Variants in NDUFA9 observed in about 807,000 individuals in gnomAD.
The protein encoded by NDUFA9 is NADH:ubiquinone oxidoreductase subunit A9.
A neutral mutation model predicts 45.9 loss-of-function variants in NDUFA9; 23 were observed. The ratio of observed to expected loss-of-function variants is 0.50; its 90% CI spans 0.36 to 0.71. The LOEUF is 0.71. Among genes scored for constraint, NDUFA9 ranks in the 30% least tolerant of loss-of-function variants. The pLI, the probability that NDUFA9 is intolerant of heterozygous loss-of-function variation, is 0.00. For synonymous variants in NDUFA9, 176 were observed against 170.5 expected, an observed-to-expected ratio of 1.03 and a Z score of -0.25; for missense variants, 466 against 488.2, an observed-to-expected ratio of 0.95 and a Z score of 0.43.
chr12:4,660,463 G>C (rs1945816990), intron 5 of NDUFA9, among the ~76,000 whole-genome samples: 1 of 152,122 alleles, frequency 6.6e-6, no homozygotes, highest in Admixed American at 6.5e-5. Context: ...TCAGAAGAGA[G>C]GTCTGGGTTG....
intron 1 of NDUFA9, chr12:4,653,734 A>G: frequency 2.7e-6 from 1 of 365,030 alleles, no homozygotes; most frequent in Middle Eastern, 4.5e-4. Flanking sequence ...GTTCTGTACT[A>G]ATAATCATCT....
chr12:4,681,704 T>C (rs2137485418), intron 8 of NDUFA9, among the ~76,000 whole-genome samples: 1 of 151,596 alleles, frequency 6.6e-6, no homozygotes, highest in South Asian at 2.1e-4. Flanking sequence ...AATTTTAAAG[T>C]CTACATTGAC....
At chr12:4,680,007 A>G (rs1430377230) in intron 8 of NDUFA9, among the ~76,000 whole-genome samples, 1 of 152,230 alleles carries the variant, frequency 6.6e-6, no homozygotes, top group Non-Finnish European at 1.5e-5. Context: ...AACAAGGAAA[A>G]GAATTCAAGG....
intron 8 of NDUFA9, among the ~76,000 whole-genome samples, chr12:4,673,773 A>G (rs901928293): frequency 1.3e-5 from 2 of 152,222 alleles, no homozygotes; most frequent in African/African-American, 4.8e-5. Context: ...GAACTTCCCC[A>G]ACTAGCAAGG....
intron 4 of NDUFA9, among the ~76,000 whole-genome samples, chr12:4,658,385 A>G (rs911250184): frequency 6.6e-6 from 1 of 152,012 alleles, no homozygotes. Context: ...CAAATATTTT[A>G]TAAATTCTTT....
intron 9 of NDUFA9, among the ~76,000 whole-genome samples, chr12:4,683,180 C>CAAAAAA: frequency 7.2e-6 from 1 of 138,822 alleles, no homozygotes; most frequent in East Asian, 2.1e-4. Context: ...GTCTCTGGAA[C>CAAAAAA]AAAAAAAAAA....
intron 8 of NDUFA9, among the ~76,000 whole-genome samples, chr12:4,679,685 G>A (rs1211196289): frequency 6.6e-6 from 1 of 152,130 alleles, no homozygotes; most frequent in Non-Finnish European, 1.5e-5. Flanking sequence ...TTGAATGGCA[G>A]GATAGGAAGT....
chr12:4,691,903 C>T lies in NDUFA9; in HGVS notation c.*4795C>T, dbSNP rs1946020726. 1 of 152,020 alleles carries T rather than the reference C, an allele frequency of 6.6e-6. No individual in the cohort carries two copies. The highest frequency in any genetic ancestry group is 1.5e-5 in the Non-Finnish European group (1 of 68,026). The allele number at this position is 152,020 out of a possible 1,614,324, so 9.4% of individuals were successfully genotyped here. ...CTCATCCTTATGACAGGAAGTAGTC[C>T]TGCAGCTTGGAGCAAGGTGCCCACC... On this transcript the variant is annotated 3_prime_UTR_variant, in exon 11 of 11. Coordinates refer to ENST00000266544, the MANE Select transcript of NDUFA9 (RefSeq NM_005002.5).
intron 1 of NDUFA9, among the ~76,000 whole-genome samples, chr12:4,651,130 G>A (rs192267539): frequency 5.9e-5 from 9 of 152,138 alleles, no homozygotes; most frequent in South Asian, 2.1e-4. Context: ...TACATAGAAC[G>A]TGCATATAAT....
At chr12:4,675,147 T>C (rs1945911192) in intron 8 of NDUFA9, among the ~76,000 whole-genome samples, 1 of 152,176 alleles carries the variant, frequency 6.6e-6, no homozygotes, top group Admixed American at 6.5e-5. Context: ...TTCCAGAATC[T>C]CTGGAGCACA....
In NDUFA9 at chr12:4,688,480, G is replaced by GAAAAAAAA. The variant is rs541489554; in HGVS notation, c.*1382_*1389dup. On this transcript the variant is annotated 3_prime_UTR_variant, in exon 11 of 11. Transcript: ENST00000266544. ...AGCTTGGACTGAAGATCCTGTCTCA[G>GAAAAAAAA]AAAAAAAAAAAAAAAAAGGCAGAAT... 7.6e-6 allele frequency: 1 copy of GAAAAAAAA among 132,038 alleles called. No individual in the cohort carries two copies. Among genetic ancestry groups the GAAAAAAAA allele is most frequent in the Non-Finnish European group, 1.6e-5 (1 of 63,382 alleles). 8.2% of individuals were successfully genotyped at this position (132,038 alleles called of 1,614,324 possible). A position where few individuals can be genotyped will look rare whatever the true frequency, so the allele number is the denominator to read the frequency against.
intron 1 of NDUFA9, 75 bp from the exon 2 acceptor site, chr12:4,654,217 A>G: frequency 7.2e-7 from 1 of 1,389,782 alleles, no homozygotes; most frequent in Non-Finnish European, 9.9e-7. Context: ...TTTTTAGAGA[A>G]AGGAGCTATT....
intron 8 of NDUFA9, among the ~76,000 whole-genome samples, chr12:4,674,774 T>C (rs1236128320): frequency 6.6e-6 from 1 of 152,070 alleles, no homozygotes; most frequent in Non-Finnish European, 1.5e-5. Context: ...GACAGAAAAT[T>C]AACAAGGATA....
At position 4,654,911 on chromosome 12, in the gene NDUFA9, C is replaced by G; in HGVS notation, c.307C>G (p.Leu103Val). The G allele has an allele frequency of 6.2e-7, 1 of 1,612,928 alleles. No individual in the cohort carries two copies. The highest frequency in any genetic ancestry group is 8.5e-7 in the Non-Finnish European group (1 of 1,179,372). ...HLRPMGDLGQ[L>V]LFLEWDARDK... is the part of the protein sequence containing the mutation. ...TCGTCCCATGGGTGACCTGGGCCAG[C>G]TTCTGTTTCTGGTAAGGGCCTTTAT... The change falls in exon 3 of 11, where the codon CTT (leucine) becomes GTT (valine). Residue 103 changes from leucine (L) to valine (V), a missense_variant. Transcript: ENST00000266544.
At chr12:4,672,941 A>G (rs1165180791) in intron 8 of NDUFA9, among the ~76,000 whole-genome samples, 1 of 152,206 alleles carries the variant, frequency 6.6e-6, no homozygotes, top group Admixed American at 6.5e-5. Flanking sequence ...ACTGGGAGAT[A>G]CATCCCTGTA....
chr12:4,658,492 T>C (rs1005852802), intron 4 of NDUFA9, among the ~76,000 whole-genome samples: 1 of 152,218 alleles, frequency 6.6e-6, no homozygotes, highest in Non-Finnish European at 1.5e-5. Flanking sequence ...CCGAATGAAA[T>C]TGTTGACTGA....
At position 4,649,148 on chromosome 12, in the gene NDUFA9, C is replaced by G; in HGVS notation, c.22C>G (p.Arg8Gly). The G allele has an allele frequency of 6.2e-7, 1 of 1,604,822 alleles. No homozygotes were observed. The highest frequency in any genetic ancestry group is 8.5e-7 in the Non-Finnish European group (1 of 1,175,938). MAAAAQS[R>G]VVRVLSMSRS... ...AAAGATGGCGGCTGCCGCACAATCCCGGGTTGTCCGGGTCCTGTCAATGTC... is the reference window on the plus strand; with the variant it reads ...AAAGATGGCGGCTGCCGCACAATCCGGGGTTGTCCGGGTCCTGTCAATGTC... Residue 8 changes from arginine to glycine, a missense_variant, in exon 1 of 11, where the codon CGG becomes GGG. Arg to Gly is a moderately radical substitution (Grantham distance 125). Transcript: ENST00000266544.
chr12:4,684,346 G>C (rs1396817348), intron 9 of NDUFA9, among the ~76,000 whole-genome samples: 1 of 152,176 alleles, frequency 6.6e-6, no homozygotes, highest in Non-Finnish European at 1.5e-5. Flanking sequence ...GTCCTGCTGG[G>C]TAAATCCAAT....
At chr12:4,651,512 A>G (rs894651714) in intron 1 of NDUFA9, among the ~76,000 whole-genome samples, 2 of 152,196 alleles carry the variant, frequency 1.3e-5, no homozygotes, top group Non-Finnish European at 1.5e-5. Context: ...AATTATTAAA[A>G]AAAAACAATA....
Sources: gnomAD v4.1 joint callset for allele counts (sites outside exome capture counted in the v4.1 genomes callset) on GRCh38, gnomAD v4.1.1 for gene constraint, MANE v1.5 for transcripts, NCBI Gene and HGNC (gene_info 2026-07-23, HGNC 2026-07-21) for gene names.